Variants in MAGI2 observed in about 807,000 individuals in gnomAD.
MAGI2 encodes the protein membrane-associated guanylate kinase, WW and PDZ domain-containing protein 2.
MAGI2 carries 35 observed loss-of-function variants against 133.3 expected under a neutral mutation model. That is an observed-to-expected ratio of 0.26 (90% CI 0.20 to 0.35). The LOEUF is 0.35. MAGI2 is among the 10% of genes least tolerant of loss of function. The probability of loss-of-function intolerance (pLI) is 1.00; values close to 1 mark genes in which losing one functional copy is unlikely to be tolerated. For missense variants in MAGI2, 1,636 were observed against 1,863.4 expected, an observed-to-expected ratio of 0.88 and a Z score of 2.25; for synonymous variants, 729 against 710.6, an observed-to-expected ratio of 1.03 and a Z score of -0.41.
At chr7:78,185,532 T>C in intron 13 of MAGI2, 97 bp downstream of exon 13, 1 of 954,996 alleles carries the variant, frequency 1.0e-6, no homozygotes, top group East Asian at 2.6e-5. Flanking sequence ...AGCACAGCGA[T>C]TATATACTAG....
intron 2 of MAGI2, among the ~76,000 whole-genome samples, chr7:78,838,143 A>C (rs1791817131): frequency 1.3e-5 from 2 of 152,152 alleles, no homozygotes; most frequent in South Asian, 4.1e-4. Context: ...ACTTGTTCCA[A>C]ATAATGGTCT....
At chr7:79,002,115 G>GCTTCTT (rs933127505) in intron 2 of MAGI2, among the ~76,000 whole-genome samples, 1 of 144,490 alleles carries the variant, frequency 6.9e-6, no homozygotes, top group South Asian at 2.2e-4. Flanking sequence ...TCATTCACAG[G>GCTTCTT]CTTCTTCTTC....
intron 9 of MAGI2, among the ~76,000 whole-genome samples, chr7:78,326,156 G>C (rs1180722388): frequency 6.6e-6 from 1 of 152,216 alleles, no homozygotes; most frequent in African/African-American, 2.4e-5. Context: ...CATCTTATAA[G>C]AAGAGATTGT....
intron 2 of MAGI2, among the ~76,000 whole-genome samples, chr7:78,632,377 G>A (rs191181): frequency 0.35 from 52,720 of 152,018 alleles, 9,616 homozygotes; most frequent in East Asian, 0.68. Context: ...TGGAGAAAAG[G>A]GTGGAGGAGA....
intron 2 of MAGI2, among the ~76,000 whole-genome samples, chr7:78,799,735 T>C (rs930616716): frequency 2.6e-5 from 4 of 152,208 alleles, no homozygotes; most frequent in East Asian, 1.9e-4. Context: ...GCTTTACTTC[T>C]GTATTTTTCA....
chr7:78,728,589 G>A (rs1307459049), intron 2 of MAGI2, among the ~76,000 whole-genome samples: 2 of 64,580 alleles, frequency 3.1e-5, no homozygotes, highest in Non-Finnish European at 5.0e-5. Context: ...TTTTTGAGAC[G>A]GAGTCTCGCT....
intron 2 of MAGI2, among the ~76,000 whole-genome samples, chr7:78,969,268 C>T (rs1178885740): frequency 6.6e-6 from 1 of 152,024 alleles, no homozygotes; most frequent in Admixed American, 6.6e-5. Context: ...TCAAACCAAT[C>T]CCCTGGGCCT....
At chr7:78,164,525 T>C (rs1435325083) in intron 15 of MAGI2, among the ~76,000 whole-genome samples, 1 of 152,260 alleles carries the variant, frequency 6.6e-6, no homozygotes, top group Non-Finnish European at 1.5e-5. Context: ...GACAGCTTAT[T>C]TAAATGGGTG....
In MAGI2 at chr7:78,532,298, A is replaced by T. The variant is rs1231953661; in HGVS notation, c.539-10653T>A. Among the ~76,000 whole-genome samples the T allele has an allele frequency of 7.2e-5, 11 of 152,358 alleles. No individual in the cohort carries two copies. In the East Asian group the frequency reaches 2.1e-3, roughly 29 times the overall value. On this transcript the variant is annotated intron_variant, in intron 3 of 21. Transcript: ENST00000354212. Reference sequence around the variant, plus strand: ...ATGAATAGAGAATAACAATAAACTAAAGTCAACAATTTCACTTACTTGAGA... The same window carrying T: ...ATGAATAGAGAATAACAATAAACTATAGTCAACAATTTCACTTACTTGAGA...
At chr7:78,997,393 C>A (rs536975803) in intron 2 of MAGI2, among the ~76,000 whole-genome samples, 2 of 151,948 alleles carry the variant, frequency 1.3e-5, no homozygotes, top group African/African-American at 2.4e-5. Context: ...CACTTGAGGT[C>A]GGGAGTTCAA....
At chr7:78,615,140 C>T (rs1806939872) in intron 3 of MAGI2, 1 of 152,168 alleles carries the variant, frequency 6.6e-6, no homozygotes, top group Non-Finnish European at 1.5e-5. Flanking sequence ...CCACATCTCC[C>T]TAACCTGCAT....
At chr7:79,432,307 T>C (rs1381279307) in intron 1 of MAGI2, among the ~76,000 whole-genome samples, 2 of 152,222 alleles carry the variant, frequency 1.3e-5, no homozygotes, top group African/African-American at 4.8e-5. Flanking sequence ...GAAGTGGTCA[T>C]TTAAAAAGGA....
At chr7:79,100,895 T>C (rs544271838) in intron 1 of MAGI2, among the ~76,000 whole-genome samples, 1 of 151,966 alleles carries the variant, frequency 6.6e-6, no homozygotes, top group Non-Finnish European at 1.5e-5. Flanking sequence ...AAATAAAAGA[T>C]TATCCAGTTG....
chr7:78,684,182 T>C (rs1431553369), intron 2 of MAGI2, among the ~76,000 whole-genome samples: 1 of 152,192 alleles, frequency 6.6e-6, no homozygotes, highest in Non-Finnish European at 1.5e-5. Flanking sequence ...TAAATCTGTA[T>C]TATACTCATT....
At chr7:78,658,840 A>G (rs1180784565) in intron 2 of MAGI2, among the ~76,000 whole-genome samples, 1 of 152,208 alleles carries the variant, frequency 6.6e-6, no homozygotes, top group African/African-American at 2.4e-5. Context: ...TGGATCACTC[A>G]TAGATTAGTC....
intron 1 of MAGI2, among the ~76,000 whole-genome samples, chr7:79,427,721 A>C (rs920518658): frequency 6.6e-6 from 1 of 152,182 alleles, no homozygotes; most frequent in Non-Finnish European, 1.5e-5. Flanking sequence ...TCTTAATGTC[A>C]GGCTAAATAT....
chr7:79,324,736 T>A (rs1232414978), intron 1 of MAGI2, among the ~76,000 whole-genome samples: 1 of 12,358 alleles, frequency 8.1e-5, no homozygotes. Context: ...ATATATATAT[T>A]ATATATATAT....
chr7:79,284,386 T>C (rs1423618176), intron 1 of MAGI2, among the ~76,000 whole-genome samples: 1 of 152,118 alleles, frequency 6.6e-6, no homozygotes, highest in African/African-American at 2.4e-5. Context: ...TACCCTCTTA[T>C]GTAGCTCCTA....
At chr7:78,694,380 C>A (rs899516756) in intron 2 of MAGI2, among the ~76,000 whole-genome samples, 2 of 152,160 alleles carry the variant, frequency 1.3e-5, no homozygotes, top group Admixed American at 6.6e-5. Context: ...ACAGTAGCAT[C>A]GCTCTCATGA....
Sources: allele counts gnomAD v4.1 joint callset (sites outside exome capture counted in the v4.1 genomes callset), GRCh38; gene constraint gnomAD v4.1.1; transcripts MANE v1.5; gene names NCBI Gene and HGNC (gene_info 2026-07-23, HGNC 2026-07-21).